ANKRD30B: variants seen among roughly 807,000 people sequenced by gnomAD.
ANKRD30B encodes the protein ankyrin repeat domain 30B.
ANKRD30B carries 144 observed loss-of-function variants against 202.2 expected under a neutral mutation model. The ratio of observed to expected loss-of-function variants is 0.71; its 90% CI spans 0.62 to 0.82. The LOEUF is 0.82. Ranked by LOEUF, ANKRD30B falls within the 40% of genes least tolerant of loss-of-function variation. ANKRD30B has a pLI of 0.00. For synonymous variants in ANKRD30B, 508 were observed against 561.3 expected (o/e 0.91, Z 1.34); for missense variants, 1,487 against 1,669.1 (o/e 0.89, Z 1.90).
At chr18:14,797,338 G>C (rs936690358) in intron 18 of ANKRD30B, among the ~76,000 whole-genome samples, 4 of 152,114 alleles carry the variant, frequency 2.6e-5, no homozygotes, top group African/African-American at 9.7e-5. Flanking sequence ...CCATTCACAG[G>C]TTCTCTGCAG....
At chr18:14,837,136 T>A in intron 34 of ANKRD30B, 75 bp from the exon 35 acceptor site, 1 of 852,596 alleles carries the variant, frequency 1.2e-6, no homozygotes, top group Non-Finnish European at 1.9e-6. Context: ...ACAAATTGAT[T>A]GAGTGAGTGA....
At chr18:14,873,955 G>A in the ANKRD30B span, among the ~76,000 whole-genome samples, 7 of 152,086 alleles carry the variant, frequency 4.6e-5, no homozygotes, top group African/African-American at 7.2e-5. Flanking sequence ...GGAAACACCC[G>A]GCATGGCAAG....
intron 7 of ANKRD30B, 83 bp from the exon 8 acceptor site, chr18:14,769,260 T>TCGG (rs1916724365): frequency 9.3e-7 from 1 of 1,079,922 alleles, no homozygotes; most frequent in Admixed American, 2.4e-5. Context: ...GCATTTGCCA[T>TCGG]CGTGCCCTCT....
intron 9 of ANKRD30B, among the ~76,000 whole-genome samples, chr18:14,772,640 C>G (rs1261676892): frequency 1.3e-5 from 2 of 148,840 alleles, no homozygotes; most frequent in Non-Finnish European, 1.5e-5. Context: ...GACCCAGTTT[C>G]TTATTATAGT....
intron 24 of ANKRD30B, among the ~76,000 whole-genome samples, chr18:14,805,390 G>C (rs2144023437): frequency 6.6e-6 from 1 of 151,042 alleles, no homozygotes; most frequent in South Asian, 2.1e-4. Flanking sequence ...AATTAAATTT[G>C]CTGTTCCTGA....
chr18:14,938,576 G>C, the ANKRD30B span, among the ~76,000 whole-genome samples: 5,230 of 152,232 alleles, frequency 0.034, 315 homozygotes, highest in African/African-American at 0.12. Flanking sequence ...CTGGCTATTT[G>C]CAGTTTTCAA....
At chr18:14,869,270 C>T in the ANKRD30B span, among the ~76,000 whole-genome samples, 1 of 151,948 alleles carries the variant, frequency 6.6e-6, no homozygotes, top group Non-Finnish European at 1.5e-5. Flanking sequence ...ACAATTTCTT[C>T]AGTTCTGGAG....
downstream of ANKRD30B, among the ~76,000 whole-genome samples, chr18:14,858,673 C>T (rs1972137735): frequency 6.9e-6 from 1 of 145,496 alleles, no homozygotes; most frequent in South Asian, 2.1e-4. Flanking sequence ...AGGCACTCCT[C>T]ACATCCCAGA....
At chr18:14,881,022 C>A in the ANKRD30B span, among the ~76,000 whole-genome samples, 9 of 152,260 alleles carry the variant, frequency 5.9e-5, no homozygotes, top group South Asian at 1.9e-3. Context: ...AAGGTCATAT[C>A]GTCAGCAACC....
intron 7 of ANKRD30B, among the ~76,000 whole-genome samples, 195 bp downstream of exon 7, chr18:14,764,285 G>A (rs1598581722): frequency 6.6e-6 from 1 of 152,302 alleles, no homozygotes; most frequent in African/African-American, 2.4e-5. Context: ...ACTTCTGGTT[G>A]TAAATACTAG....
chr18:14,777,889 G>A lies in ANKRD30B; in HGVS notation c.1330-96G>A, dbSNP rs181347378. The stretch of plus-strand genomic sequence containing the variant: ...ACCTGGGAGACAGAGGTGGCAGTAG[G>A]CCGAGATCACACCACTGAGCCACCC... On this transcript the variant is annotated intron_variant, in intron 9 of 43. Coordinates refer to ENST00000690538, the MANE Select transcript of ANKRD30B (RefSeq NM_001367607.2). 2.4e-5 allele frequency: 19 copies of A among 792,686 alleles called. No homozygotes were observed. The African/African-American group carries it at 2.5e-4, about 11-fold the overall frequency. 49.1% of individuals were successfully genotyped at this position (792,686 alleles called of 1,614,324 possible).
intron 16 of ANKRD30B, among the ~76,000 whole-genome samples, chr18:14,795,487 C>T (rs36072341): frequency 4.6e-5 from 7 of 152,106 alleles, no homozygotes; most frequent in Admixed American, 3.3e-4. Flanking sequence ...ATGAGCCATG[C>T]CACCTGGACT....
chr18:14,758,775 AG>A (rs1361974787), intron 5 of ANKRD30B, among the ~76,000 whole-genome samples: 2 of 152,186 alleles, frequency 1.3e-5, no homozygotes, highest in African/African-American at 4.8e-5. Flanking sequence ...AGCAAATATT[AG>A]TTGTGAAAGT....
At chr18:14,892,729 G>A in the ANKRD30B span, among the ~76,000 whole-genome samples, 1 of 106,824 alleles carries the variant, frequency 9.4e-6, no homozygotes, top group African/African-American at 3.6e-5. Context: ...AACAGAGTGA[G>A]ACTCTGTTTC....
At chr18:14,873,570 G>T in the ANKRD30B span, among the ~76,000 whole-genome samples, 1 of 149,700 alleles carries the variant, frequency 6.7e-6, no homozygotes, top group East Asian at 2.0e-4. Flanking sequence ...TTTAGAATAA[G>T]ATTGGAGTGT....
the ANKRD30B span, among the ~76,000 whole-genome samples, chr18:14,878,484 G>T: frequency 6.6e-6 from 1 of 151,994 alleles, no homozygotes; most frequent in Non-Finnish European, 1.5e-5. Context: ...TCTGGGGACA[G>T]TGAAAAGCCC....
intron 24 of ANKRD30B, among the ~76,000 whole-genome samples, chr18:14,808,050 T>C (rs1969630814): frequency 6.6e-6 from 1 of 151,136 alleles, no homozygotes; most frequent in South Asian, 2.1e-4. Flanking sequence ...ACCTTTGAAT[T>C]CTCATCGGAG....
At chr18:14,888,127 T>A in the ANKRD30B span, among the ~76,000 whole-genome samples, 2 of 152,026 alleles carry the variant, frequency 1.3e-5, no homozygotes, top group East Asian at 3.8e-4. Context: ...TGTTAAATTA[T>A]CTATTTTATT....
At chr18:14,799,428 A>G (rs754487370) in intron 22 of ANKRD30B, 133 bp downstream of exon 22, 4 of 947,764 alleles carry the variant, frequency 4.2e-6, no homozygotes, top group South Asian at 4.2e-5. Flanking sequence ...TAATGGCAAC[A>G]TTAGTATTCA....
Sources: gnomAD v4.1 joint callset for allele counts (sites outside exome capture counted in the v4.1 genomes callset) on GRCh38, gnomAD v4.1.1 for gene constraint, MANE v1.5 for transcripts, NCBI Gene and HGNC (gene_info 2026-07-23, HGNC 2026-07-21) for gene names.